The following AGTPBP1 variants were observed in gnomAD, a reference collection of about 807,000 sequenced individuals.
The protein encoded by AGTPBP1 is ATP/GTP binding carboxypeptidase 1, also known as cytosolic carboxypeptidase 1.
Under a neutral mutation model 143.9 loss-of-function variants are expected in AGTPBP1, and 70 were observed. That is an observed-to-expected ratio of 0.49 (90% CI 0.40 to 0.59). The LOEUF (loss-of-function observed/expected upper bound fraction) is 0.59, where lower values mean the gene tolerates loss of function less well. Among genes scored for constraint, AGTPBP1 ranks in the 20% least tolerant of loss-of-function variants. AGTPBP1 has a pLI of 0.00. For missense variants in AGTPBP1, 1,229 were observed against 1,464.5 expected, an observed-to-expected ratio of 0.84 and a Z score of 2.62; for synonymous variants, 463 against 500.2, an observed-to-expected ratio of 0.93 and a Z score of 0.99.
At chr9:85,565,143 C>T (rs1827002747) in intron 25 of AGTPBP1, among the ~76,000 whole-genome samples, 1 of 152,172 alleles carries the variant, frequency 6.6e-6, no homozygotes, top group South Asian at 2.1e-4. Flanking sequence ...CCTGAGCTGA[C>T]TAGGACAACA....
chr9:85,657,116 C>CATGTAT (rs1360336625), intron 10 of AGTPBP1, among the ~76,000 whole-genome samples: 3 of 149,618 alleles, frequency 2.0e-5, no homozygotes, highest in Non-Finnish European at 4.4e-5. Flanking sequence ...ACCAGCATGG[C>CATGTAT]ACATGTATAC....
At chr9:85,560,210 G>C (rs555835588) in intron 25 of AGTPBP1, among the ~76,000 whole-genome samples, 2 of 152,186 alleles carry the variant, frequency 1.3e-5, no homozygotes, top group African/African-American at 2.4e-5. Context: ...TGGAAGGAAG[G>C]GAAATCAAGG....
chr9:85,631,571 G>A (rs149654642), intron 14 of AGTPBP1, among the ~76,000 whole-genome samples: 4 of 152,188 alleles, frequency 2.6e-5, no homozygotes, highest in Non-Finnish European at 4.4e-5. Flanking sequence ...GGGATGACAC[G>A]TCTGTGGATC....
chr9:85,690,852 T>A (rs1451514224), intron 3 of AGTPBP1, among the ~76,000 whole-genome samples: 1 of 151,758 alleles, frequency 6.6e-6, no homozygotes, highest in Non-Finnish European at 1.5e-5. Context: ...TGGTCAGGAG[T>A]ATTTTCAGTG....
chr9:85,771,958 C>A, the AGTPBP1 span, among the ~76,000 whole-genome samples: 1 of 150,390 alleles, frequency 6.6e-6, no homozygotes, highest in African/African-American at 2.5e-5. Flanking sequence ...CGCGCCCAGC[C>A]TGATATAGAT....
upstream of AGTPBP1, among the ~76,000 whole-genome samples, chr9:85,745,727 G>C (rs1184014505): frequency 1.3e-5 from 2 of 152,326 alleles, no homozygotes; most frequent in East Asian, 3.9e-4. Context: ...GCCAGGTGTG[G>C]TGGCTCATGC....
intron 25 of AGTPBP1, among the ~76,000 whole-genome samples, chr9:85,556,670 C>T (rs529529247): frequency 2.7e-4 from 41 of 152,236 alleles, no homozygotes; most frequent in African/African-American, 9.6e-4. Flanking sequence ...GCTAGGGCAA[C>T]TACACCAATG....
the AGTPBP1 span, among the ~76,000 whole-genome samples, chr9:85,799,752 A>C: frequency 6.6e-6 from 1 of 152,182 alleles, no homozygotes; most frequent in African/African-American, 2.4e-5. Context: ...TCCTGGGCTC[A>C]AGTGATCCTC....
intron 18 of AGTPBP1, among the ~76,000 whole-genome samples, chr9:85,595,939 A>G (rs1354060648): frequency 1.3e-5 from 2 of 152,246 alleles, no homozygotes; most frequent in African/African-American, 4.8e-5. Context: ...ACATTTTGGA[A>G]ATTAAAATGA....
At chr9:85,562,388 A>C (rs968206389) in intron 25 of AGTPBP1, among the ~76,000 whole-genome samples, 2 of 152,236 alleles carry the variant, frequency 1.3e-5, no homozygotes, top group African/African-American at 2.4e-5. Flanking sequence ...TTAAATATAA[A>C]GACACAAAAG....
At chr9:85,802,792 T>A in the AGTPBP1 span, among the ~76,000 whole-genome samples, 7 of 152,216 alleles carry the variant, frequency 4.6e-5, no homozygotes, top group Admixed American at 3.9e-4. Flanking sequence ...TGTGGTCATC[T>A]GCATAATTGA....
At chr9:85,638,106 T>C (rs551291677) in intron 13 of AGTPBP1, among the ~76,000 whole-genome samples, 2 of 144,260 alleles carry the variant, frequency 1.4e-5, no homozygotes, top group East Asian at 4.8e-4. Flanking sequence ...ACTGCTTTGC[T>C]TTTTATGTTT....
intron 2 of AGTPBP1, among the ~76,000 whole-genome samples, chr9:85,712,059 T>C (rs1837413368): frequency 6.6e-6 from 1 of 151,626 alleles, no homozygotes; most frequent in Admixed American, 6.6e-5. Context: ...AGGTCAGGAG[T>C]TCGAGACCAG....
rs1386807266 is a variant in AGTPBP1, at chr9:85,661,031, T to C, written c.663-58A>G. On this transcript the variant is annotated intron_variant, in intron 8 of 25. Transcript: ENST00000357081. ...CAAAACTAGTAAAATTAATCTACAA[T>C]AGTAAATTCATACAATCTTTTTCAA... 17 of 1,378,624 alleles carry C rather than the reference T, an allele frequency of 1.2e-5. No individual in the cohort carries two copies. The Admixed American group carries it at 1.9e-4, about 15-fold the overall frequency. 85.4% of individuals were successfully genotyped at this position (1,378,624 alleles called of 1,614,324 possible).
At chr9:85,557,255 C>T (rs1445469387) in intron 25 of AGTPBP1, among the ~76,000 whole-genome samples, 1 of 152,138 alleles carries the variant, frequency 6.6e-6, no homozygotes, top group Non-Finnish European at 1.5e-5. Flanking sequence ...TATGACAAGG[C>T]TCAAAGCTTT....
chr9:85,724,646 T>C (rs957237153), intron 1 of AGTPBP1, among the ~76,000 whole-genome samples: 4 of 152,216 alleles, frequency 2.6e-5, no homozygotes, highest in Non-Finnish European at 5.9e-5. Flanking sequence ...TCACATGGTA[T>C]AATATCTAAG....
chr9:85,658,535 G>A (rs1833669503), intron 9 of AGTPBP1, among the ~76,000 whole-genome samples: 1 of 151,998 alleles, frequency 6.6e-6, no homozygotes, highest in Non-Finnish European at 1.5e-5. Context: ...AAGATAATGT[G>A]CAATACCCAT....
intron 6 of AGTPBP1, among the ~76,000 whole-genome samples, chr9:85,675,829 T>G (rs916355636): frequency 6.6e-6 from 1 of 152,012 alleles, no homozygotes; most frequent in Non-Finnish European, 1.5e-5. Context: ...TTTGAGACCA[T>G]CCTGGCCAAC....
chr9:85,644,656 C>T (rs1044694248), intron 12 of AGTPBP1, among the ~76,000 whole-genome samples: 13 of 152,076 alleles, frequency 8.5e-5, no homozygotes, highest in South Asian at 2.1e-4. Context: ...AACTTATATA[C>T]GGTCAAGTTG....
Sources: allele counts gnomAD v4.1 joint callset (sites outside exome capture counted in the v4.1 genomes callset), GRCh38; gene constraint gnomAD v4.1.1; transcripts MANE v1.5; gene names NCBI Gene and HGNC (gene_info 2026-07-23, HGNC 2026-07-21).